GAPVD1: variants seen among roughly 807,000 people sequenced by gnomAD.
GAPVD1 encodes GTPase-activating protein and VPS9 domain-containing protein 1.
GAPVD1 carries 35 observed loss-of-function variants against 155.5 expected under a neutral mutation model. That is an observed-to-expected ratio of 0.23 (90% CI 0.17 to 0.30). The LOEUF is 0.30. Ranked by LOEUF, GAPVD1 falls within the 10% of genes least tolerant of loss-of-function variation. The pLI is 1.00. For missense variants in GAPVD1, 1,429 were observed against 1,775.7 expected (o/e 0.80, Z 3.51); for synonymous variants, 636 against 619.7 (o/e 1.03, Z -0.39).
At chr9:125,318,500 T>C (rs62581368) in intron 9 of GAPVD1, among the ~76,000 whole-genome samples, 7,384 of 152,310 alleles carry the variant, frequency 0.048, 264 homozygotes, top group Non-Finnish European at 0.078. Context: ...AATATCTTCA[T>C]TGTGTTATAT....
intron 20 of GAPVD1, among the ~76,000 whole-genome samples, chr9:125,347,843 G>A (rs1848715930): frequency 6.6e-6 from 1 of 152,114 alleles, no homozygotes. Flanking sequence ...CTCTGAGGAA[G>A]ACTCCTAGGA....
At chr9:125,346,676 G>T in intron 19 of GAPVD1, 143 bp from the exon 20 acceptor site, 1 of 734,256 alleles carries the variant, frequency 1.4e-6, no homozygotes. Flanking sequence ...GCAGCTGCAT[G>T]GTGCCTCTTA....
At chr9:125,265,453 C>CA (rs1833724258) in intron 1 of GAPVD1, among the ~76,000 whole-genome samples, 1 of 151,626 alleles carries the variant, frequency 6.6e-6, no homozygotes, top group Admixed American at 6.6e-5. Context: ...ACTTGTCTCC[C>CA]AGGCTGGAGT....
intron 2 of GAPVD1, among the ~76,000 whole-genome samples, chr9:125,290,964 C>T (rs1838489793): frequency 6.7e-6 from 1 of 148,920 alleles, no homozygotes; most frequent in South Asian, 2.1e-4. Flanking sequence ...TACACTCCAG[C>T]CTGGGCAACA....
At position 125,300,018 on chromosome 9, in the gene GAPVD1, C is replaced by CAAAATAAAAAAAAAAAA. The variant is rs1564330046; in HGVS notation, c.185+916_185+917insTAAAAAAAAAAAAAAAA. Among the ~76,000 whole-genome samples, 3 of 1,934 alleles carry CAAAATAAAAAAAAAAAA rather than the reference C, an allele frequency of 1.6e-3. 1 individual carries two copies. Among genetic ancestry groups the CAAAATAAAAAAAAAAAA allele is most frequent in the African/African-American group, 4.5e-3 (3 of 662 alleles). 1.3% of individuals were successfully genotyped at this position (1,934 alleles called of 152,430 possible). The stretch of plus-strand genomic sequence containing the variant: ...TGGGTGACAGAGTGAGACTCTGTCT[C>CAAAATAAAAAAAAAAAA]AAAAGAAAAAAAAAAAAAAAATATA... On this transcript the variant is annotated intron_variant, in intron 4 of 27. Transcript: ENST00000297933.
intron 5 of GAPVD1, chr9:125,303,945 T>G (rs1841372924): frequency 1.3e-5 from 2 of 152,184 alleles, no homozygotes; most frequent in Admixed American, 6.6e-5. Flanking sequence ...TTCACAAATT[T>G]GTGTGTCATC....
intron 3 of GAPVD1, among the ~76,000 whole-genome samples, chr9:125,298,582 G>A (rs757923799): frequency 1.5e-5 from 2 of 137,768 alleles, no homozygotes; most frequent in Non-Finnish European, 1.5e-5. Flanking sequence ...TCTGTCTCCC[G>A]GGTTCAAGGA....
chr9:125,305,259 A>G lies in GAPVD1; in HGVS notation c.1116+110A>G, dbSNP rs559708432. ...ATCTAAATTAAATGTTCTTTTAATTAGCTACAGTATTGGATCAGCAGCATT... is the reference window on the plus strand; with the variant it reads ...ATCTAAATTAAATGTTCTTTTAATTGGCTACAGTATTGGATCAGCAGCATT... On this transcript the variant is annotated intron_variant, in intron 6 of 27. Transcript: ENST00000297933. 61 of 699,506 alleles carry G rather than the reference A, an allele frequency of 8.7e-5. No homozygotes were observed. The East Asian group carries it at 1.7e-3, about 19-fold the overall frequency. 43.3% of individuals were successfully genotyped at this position (699,506 alleles called of 1,614,324 possible).
At chr9:125,325,084 G>T (rs550067234) in intron 11 of GAPVD1, among the ~76,000 whole-genome samples, 65 of 152,144 alleles carry the variant, frequency 4.3e-4, no homozygotes, top group African/African-American at 1.4e-3. Flanking sequence ...AATTAGCCAG[G>T]TGAGGTGGTG....
At chr9:125,338,134 A>G (rs957266571) in intron 17 of GAPVD1, among the ~76,000 whole-genome samples, 1 of 152,234 alleles carries the variant, frequency 6.6e-6, no homozygotes, top group African/African-American at 2.4e-5. Flanking sequence ...TTGGCCTCCC[A>G]GAGTTGCTGG....
chr9:125,343,961 T>C (rs1317339135), intron 19 of GAPVD1, among the ~76,000 whole-genome samples: 3 of 152,248 alleles, frequency 2.0e-5, no homozygotes, highest in African/African-American at 4.8e-5. Flanking sequence ...GAAGGAGTTA[T>C]ATTTTACTTA....
At chr9:125,355,524 T>C in intron 24 of GAPVD1, 120 bp from the exon 25 acceptor site, 2 of 634,204 alleles carry the variant, frequency 3.2e-6, no homozygotes, top group Non-Finnish European at 5.4e-6. Context: ...GAAACACTTT[T>C]GGCTTTAAGA....
intron 4 of GAPVD1, 86 bp from the exon 5 acceptor site, chr9:125,301,897 A>G: frequency 9.2e-7 from 1 of 1,086,790 alleles, no homozygotes; most frequent in Non-Finnish European, 1.3e-6. Flanking sequence ...TAATCAACTC[A>G]CATATCCATG....
chr9:125,317,640 AAAGAAAAG>A (rs1843654629), intron 9 of GAPVD1, among the ~76,000 whole-genome samples: 1 of 148,510 alleles, frequency 6.7e-6, no homozygotes, highest in East Asian at 1.9e-4. Context: ...AAAAAAAAAA[AAAGAAAAG>A]AAAGAAAAGA....
At chr9:125,327,860 T>C (rs1845426352) in intron 12 of GAPVD1, among the ~76,000 whole-genome samples, 1 of 152,226 alleles carries the variant, frequency 6.6e-6, no homozygotes, top group African/African-American at 2.4e-5. Flanking sequence ...GAACCCAGTG[T>C]ACCCATCACT....
chr9:125,345,518 CTG>C (rs911332826), intron 19 of GAPVD1, among the ~76,000 whole-genome samples: 9 of 152,136 alleles, frequency 5.9e-5, no homozygotes, highest in African/African-American at 1.9e-4. Flanking sequence ...TTGCAAAAAA[CTG>C]TGTATAAATG....
Position 125,298,902 on chromosome 9 carries a change from G to A in GAPVD1, c.-20G>A. On this transcript the variant is annotated 5_prime_UTR_variant, in exon 4 of 28. Transcript: ENST00000297933. ...TTTTTACTCTTAGTGATCAGCCTTTGAGCCTTTCCCACATTGAAGATGGTG... is the reference window on the plus strand; with the variant it reads ...TTTTTACTCTTAGTGATCAGCCTTTAAGCCTTTCCCACATTGAAGATGGTG... 1 of 1,536,094 alleles carries A rather than the reference G, an allele frequency of 6.5e-7. No individual in the cohort carries two copies. The highest frequency in any genetic ancestry group is 8.9e-7 in the Non-Finnish European group (1 of 1,124,412).
At chr9:125,263,844 C>T (rs577257656) in intron 1 of GAPVD1, 35 of 1,218,388 alleles carry the variant, frequency 2.9e-5, no homozygotes, top group African/African-American at 7.4e-5. Flanking sequence ...GTACAGTCTC[C>T]GGGGGGCAGA....
At chr9:125,294,553 G>T (rs1015980561) in intron 2 of GAPVD1, among the ~76,000 whole-genome samples, 1 of 150,336 alleles carries the variant, frequency 6.7e-6, no homozygotes, top group Admixed American at 6.7e-5. Flanking sequence ...TCACCATGTT[G>T]GTCAGGCTGG....
Sources: gnomAD v4.1 joint callset for allele counts (sites outside exome capture counted in the v4.1 genomes callset) on GRCh38, gnomAD v4.1.1 for gene constraint, MANE v1.5 for transcripts, NCBI Gene and HGNC (gene_info 2026-07-23, HGNC 2026-07-21) for gene names.